The following PBX3 variants were observed in gnomAD, a reference collection of about 807,000 sequenced individuals.
PBX3 encodes PBX homeobox 3, also known as pre-B-cell leukemia transcription factor 3.
Under a neutral mutation model 48.5 loss-of-function variants are expected in PBX3, and 14 were observed. The ratio of observed to expected loss-of-function variants is 0.29; its 90% CI spans 0.19 to 0.45. PBX3 has a LOEUF of 0.45. Among genes scored for constraint, PBX3 ranks in the 20% least tolerant of loss-of-function variants. PBX3 has a pLI of 1.00. For synonymous variants in PBX3, 210 were observed against 200.3 expected (o/e 1.05, Z -0.41); for missense variants, 386 against 546.7 (o/e 0.71, Z 2.93).
chr9:125,790,907 AC>A (rs1417100369), intron 2 of PBX3, among the ~76,000 whole-genome samples: 1 of 143,196 alleles, frequency 7.0e-6, no homozygotes, highest in Admixed American at 6.9e-5. Context: ...AATGAACCTT[AC>A]CCTAATATTT....
intron 2 of PBX3, among the ~76,000 whole-genome samples, chr9:125,870,662 A>G (rs972159765): frequency 2.6e-5 from 4 of 152,208 alleles, no homozygotes; most frequent in African/African-American, 9.6e-5. Context: ...CCCTATCACC[A>G]TGTAAAATAA....
chr9:125,836,244 G>A (rs1477039289), intron 2 of PBX3, among the ~76,000 whole-genome samples: 1 of 152,148 alleles, frequency 6.6e-6, no homozygotes. Context: ...AAGAGATCGA[G>A]ACCATCCTGG....
intron 2 of PBX3, among the ~76,000 whole-genome samples, chr9:125,814,345 T>G (rs1474945447): frequency 2.0e-5 from 3 of 151,578 alleles, no homozygotes; most frequent in African/African-American, 7.3e-5. Flanking sequence ...TTCCATCTCT[T>G]TTTTTTTGGA....
intron 2 of PBX3, among the ~76,000 whole-genome samples, chr9:125,808,979 G>A (rs561679816): frequency 2.4e-4 from 36 of 152,168 alleles, no homozygotes; most frequent in African/African-American, 6.5e-4. Context: ...AGCACTTACC[G>A]CTGTTCTTGA....
At chr9:125,900,583 C>T (rs1166672125) in intron 2 of PBX3, among the ~76,000 whole-genome samples, 1 of 151,694 alleles carries the variant, frequency 6.6e-6, no homozygotes, top group Non-Finnish European at 1.5e-5. Flanking sequence ...AAACTGCTGA[C>T]GTTCAGCTCA....
intron 2 of PBX3, among the ~76,000 whole-genome samples, chr9:125,761,552 G>A (rs1810269282): frequency 6.6e-6 from 1 of 151,948 alleles, no homozygotes; most frequent in Non-Finnish European, 1.5e-5. Context: ...TTGTCATGAT[G>A]CATGTCTCCG....
At chr9:125,771,286 G>A (rs1033215952) in intron 2 of PBX3, among the ~76,000 whole-genome samples, 1 of 152,188 alleles carries the variant, frequency 6.6e-6, no homozygotes, top group Non-Finnish European at 1.5e-5. Context: ...CTTTGCAACT[G>A]TCAAACAATG....
chr9:125,949,906 C>G (rs1369614663), intron 5 of PBX3, among the ~76,000 whole-genome samples: 1 of 152,082 alleles, frequency 6.6e-6, no homozygotes, highest in African/African-American at 2.4e-5. Flanking sequence ...GGCTGTGTTG[C>G]CTGGGAGATG....
intron 5 of PBX3, among the ~76,000 whole-genome samples, chr9:125,953,100 CA>C (rs1842226957): frequency 6.6e-6 from 1 of 152,012 alleles, no homozygotes; most frequent in African/African-American, 2.4e-5. Context: ...TATTTCCCCT[CA>C]ACATGATCTT....
At chr9:125,866,628 A>G (rs545301039) in intron 2 of PBX3, among the ~76,000 whole-genome samples, 8 of 152,328 alleles carry the variant, frequency 5.3e-5, no homozygotes, top group East Asian at 1.9e-4. Context: ...AGGCCTCTGT[A>G]TGTGTCCGGG....
At chr9:125,945,845 G>A (rs1842054439) in intron 5 of PBX3, among the ~76,000 whole-genome samples, 1 of 152,164 alleles carries the variant, frequency 6.6e-6, no homozygotes, top group African/African-American at 2.4e-5. Flanking sequence ...ATACAGCTTG[G>A]AGGTCATTCA....
chr9:125,949,542 A>G, intron 5 of PBX3: 1 of 1,371,092 alleles, frequency 7.3e-7, no homozygotes, highest in Non-Finnish European at 9.5e-7. Flanking sequence ...ATATATATAT[A>G]GTATTCTTTA....
At chr9:125,770,122 G>C (rs952748848) in intron 2 of PBX3, among the ~76,000 whole-genome samples, 2 of 152,134 alleles carry the variant, frequency 1.3e-5, no homozygotes, top group African/African-American at 4.8e-5. Flanking sequence ...TGGTGGGGGG[G>C]ATGTACATTG....
chr9:125,809,339 T>TG (rs1838219476), intron 2 of PBX3, among the ~76,000 whole-genome samples: 1 of 152,148 alleles, frequency 6.6e-6, no homozygotes. Context: ...ATTTTATTCT[T>TG]GGGAAAAAAT....
chr9:125,854,061 AAT>A (rs1310546435), intron 2 of PBX3, among the ~76,000 whole-genome samples: 1 of 152,176 alleles, frequency 6.6e-6, no homozygotes, highest in Non-Finnish European at 1.5e-5. Flanking sequence ...CTGTAATCGG[AAT>A]CTCTGGAGAG....
At chr9:125,774,051 A>C (rs1475112464) in intron 2 of PBX3, among the ~76,000 whole-genome samples, 1 of 152,196 alleles carries the variant, frequency 6.6e-6, no homozygotes, top group Non-Finnish European at 1.5e-5. Flanking sequence ...TTTATAAAGA[A>C]GAGATGTTTA....
At chr9:125,847,475 A>G (rs2132249106) in intron 2 of PBX3, among the ~76,000 whole-genome samples, 1 of 152,124 alleles carries the variant, frequency 6.6e-6, no homozygotes, top group South Asian at 2.1e-4. Flanking sequence ...ATATGGAAAA[A>G]GTCCAATGTA....
At chr9:125,941,662 G>A (rs1245735071) in intron 5 of PBX3, among the ~76,000 whole-genome samples, 1 of 152,176 alleles carries the variant, frequency 6.6e-6, no homozygotes, top group Non-Finnish European at 1.5e-5. Flanking sequence ...CTTTGATTAA[G>A]TAAGCAAAAG....
chr9:125,816,464 C>G (rs1838466612), intron 2 of PBX3, among the ~76,000 whole-genome samples: 1 of 152,186 alleles, frequency 6.6e-6, no homozygotes. Context: ...TTCTATGGTG[C>G]TTTTACATTG....
Sources: allele counts gnomAD v4.1 joint callset (sites outside exome capture counted in the v4.1 genomes callset), GRCh38; gene constraint gnomAD v4.1.1; transcripts MANE v1.5; gene names NCBI Gene and HGNC (gene_info 2026-07-23, HGNC 2026-07-21).